The following ZNF316 variants were observed in gnomAD, a reference collection of about 807,000 sequenced individuals.
ZNF316 encodes zinc finger protein 316.
ZNF316 carries 23 observed loss-of-function variants against 75.6 expected under a neutral mutation model. That is an observed-to-expected ratio of 0.30 (90% CI 0.22 to 0.43). The LOEUF (loss-of-function observed/expected upper bound fraction) is 0.43. ZNF316 is among the 20% of genes least tolerant of loss of function. The probability of loss-of-function intolerance (pLI) is 1.00; values close to 1 mark genes in which losing one functional copy is unlikely to be tolerated. For missense variants in ZNF316, 1,266 were observed against 1,409.4 expected (o/e 0.90, Z 1.63); for synonymous variants, 827 against 666.2 (o/e 1.24, Z -3.72).
chr7:6,644,665 T>A (rs775415943), intron 8 of ZNF316, 72 bp downstream of exon 8: 12 of 811,272 alleles, frequency 1.5e-5, no homozygotes, highest in Non-Finnish European at 1.8e-5. Flanking sequence ...TGGCCTTCAC[T>A]GCGCTCTCTG....
At chr7:6,649,955 A>C (rs1364125816) in intron 8 of ZNF316, among the ~76,000 whole-genome samples, 2 of 152,058 alleles carry the variant, frequency 1.3e-5, no homozygotes, top group Non-Finnish European at 2.9e-5. Context: ...GGCAGCTGAG[A>C]CTTCTGTGGG....
chr7:6,642,594 A>G lies in ZNF316; in HGVS notation c.185A>G (p.Glu62Gly). 1.6e-6 allele frequency: 2 copies of G among 1,218,894 alleles called. No homozygotes were observed. The highest frequency in any genetic ancestry group is 1.6e-5 in the African/African-American group (1 of 64,160). The allele number at this position is 1,218,894 out of a possible 1,614,324, so 75.5% of individuals were successfully genotyped here. Reference protein sequence around the residue: ...VVEEEEEGVAEVVQDAQVEAV... With the variant: ...VVEEEEEGVAGVVQDAQVEAV... Reference sequence around the variant, plus strand: ...GAGGAGGAGGAGGAGGGTGTGGCAGAGGTAGTGCAGGATGCGCAGGTGGAG... The same window carrying G: ...GAGGAGGAGGAGGAGGGTGTGGCAGGGGTAGTGCAGGATGCGCAGGTGGAG... The change falls in exon 5 of 9, where the codon GAG becomes GGG. Residue 62 changes from glutamate (E) to glycine (G), a missense_variant. Coordinates refer to ENST00000382252, the MANE Select transcript of ZNF316 (RefSeq NM_001278559.2). The surrounding 1 kb of genome is among the most constrained non-coding windows in gnomAD (Gnocchi z 8.1).
Position 6,654,287 on chromosome 7 carries a change from G to A in ZNF316, c.2691G>A (p.Ser897=), listed in dbSNP as rs1026492348. Residue 897 remains serine, a synonymous_variant, in exon 9 of 9, where the codon TCG becomes TCA. Coordinates refer to ENST00000382252, the MANE Select transcript of ZNF316 (RefSeq NM_001278559.2). ...GCCCTGAGTGCGGCAAGCGCTTTTC[G>A]CAGCGCTCGGTGCTGGTCACGCACC... ...FPCPECGKRF[S]QRSVLVTHQR... is the part of the protein sequence containing the mutation. 1,145 of 1,224,114 alleles carry A rather than the reference G, an allele frequency of 9.4e-4. 25 individuals are homozygous for A. The highest frequency in any genetic ancestry group is 5.7e-4 in the Middle Eastern group (2 of 3,484). 75.8% of individuals were successfully genotyped at this position (1,224,114 alleles called of 1,614,324 possible).
chr7:6,643,609 G>T (rs907163502), intron 6 of ZNF316, among the ~76,000 whole-genome samples: 4 of 152,170 alleles, frequency 2.6e-5, no homozygotes, highest in Middle Eastern at 3.2e-3. Flanking sequence ...CCTACGAGCT[G>T]GGTCGTTCAC....
In ZNF316 at chr7:6,637,565, C is replaced by T. The variant is rs1261608023; in HGVS notation, c.-431+118C>T. The T allele has an allele frequency of 1.4e-5, 2 of 147,416 alleles. No individual in the cohort carries two copies. The highest frequency in any genetic ancestry group is 3.0e-5 in the Non-Finnish European group (2 of 66,082). 9.1% of individuals were successfully genotyped at this position (147,416 alleles called of 1,614,324 possible). A position where few individuals can be genotyped will look rare whatever the true frequency, so the allele number is the denominator to read the frequency against. On this transcript the variant is annotated intron_variant, in intron 1 of 8. Transcript: ENST00000382252. This position sits in a 1 kb window ranked among gnomAD's most constrained non-coding sequence, Gnocchi z 6.2. ...CCGGGCTGGCCCTCGACGCCCGGCG[C>T]GGGGAGGCCGCGGGGAGGCGGCGGG... is the stretch of plus-strand genomic sequence containing the variant.
Position 6,656,986 on chromosome 7 carries a change from A to G in ZNF316, c.*2375A>G, listed in dbSNP as rs567985074. Among the ~76,000 whole-genome samples the G allele has an allele frequency of 6.6e-6, 1 of 152,162 alleles. No individual in the cohort carries two copies. Among genetic ancestry groups the G allele is most frequent in the African/African-American group, 2.4e-5 (1 of 41,434 alleles). ...GAAAAATAAGAACTGCTGTAATCAA[A>G]TGTGATCTGGAGGCATCAGAACAGA... is the stretch of plus-strand genomic sequence containing the variant. On this transcript the variant is annotated 3_prime_UTR_variant, in exon 9 of 9. Transcript: ENST00000382252.
In ZNF316 at chr7:6,640,147, T is replaced by C. The variant is rs1033346062; in HGVS notation, c.-167+1006T>C. 3.3e-5 allele frequency among the ~76,000 whole-genome samples: 5 copies of C among 152,072 alleles called. No homozygotes were observed. Among genetic ancestry groups the C allele is most frequent in the African/African-American group, 1.2e-4 (5 of 41,394 alleles). On this transcript the variant is annotated intron_variant, in intron 3 of 8. Coordinates refer to ENST00000382252, the MANE Select transcript of ZNF316 (RefSeq NM_001278559.2). This position sits in a 1 kb window ranked among gnomAD's most constrained non-coding sequence, Gnocchi z 5.1. ...GCTCAGAGCTTCCTGGCTATTAAAGTGTGGATTTTAAAGCAACTGCTCAAA... is the reference window on the plus strand; with the variant it reads ...GCTCAGAGCTTCCTGGCTATTAAAGCGTGGATTTTAAAGCAACTGCTCAAA...
chr7:6,654,490 G>A lies in ZNF316; in HGVS notation c.2894G>A (p.Ser965Asn), dbSNP rs1402666467. Residue 965 changes from serine to asparagine, a missense_variant, in exon 9 of 9, where the codon AGT becomes AAT. Transcript: ENST00000382252. ...KPEAAAKGPSSAGPGERGSAL... is the reference protein window; with the variant it reads ...KPEAAAKGPSNAGPGERGSAL... ...GAGGCGGCCGCCAAGGGGCCGTCCA[G>A]TGCCGGCCCCGGTGAGCGCGGCAGC... The A allele has an allele frequency of 9.3e-6, 11 of 1,182,598 alleles. No individual in the cohort carries two copies. Among genetic ancestry groups the A allele is most frequent in the Non-Finnish European group, 1.0e-6 (1 of 956,616 alleles). The allele number at this position is 1,182,598 out of a possible 1,614,324, so 73.3% of individuals were successfully genotyped here.
rs1779338714 is a variant in ZNF316, at chr7:6,643,031, GGAGGAT to G, written c.429_434del (p.Glu146_Asp147del). The G allele has an allele frequency of 8.1e-7, 1 of 1,240,542 alleles. No individual in the cohort carries two copies. Among genetic ancestry groups the G allele is most frequent in the Non-Finnish European group, 1.0e-6 (1 of 993,322 alleles). The allele number at this position is 1,240,542 out of a possible 1,614,324, so 76.8% of individuals were successfully genotyped here. On this transcript the variant is annotated inframe_deletion, in exon 6 of 9. Transcript: ENST00000382252. ...ACCTGGAGGAGGAGGAAGAGGAGGA[GGAGGAT>G]GAGGACGAGGATGATTTGCTGACGG... is the stretch of plus-strand genomic sequence containing the variant.
At position 6,654,486 on chromosome 7, in the gene ZNF316, T is replaced by C; in HGVS notation, c.2890T>C (p.Ser964Pro). 1 of 1,184,090 alleles carries C rather than the reference T, an allele frequency of 8.4e-7. No homozygotes were observed. The highest frequency in any genetic ancestry group is 1.0e-6 in the Non-Finnish European group (1 of 957,566). 73.3% of individuals were successfully genotyped at this position (1,184,090 alleles called of 1,614,324 possible). A position where few individuals can be genotyped will look rare whatever the true frequency, so the allele number is the denominator to read the frequency against. The change falls in exon 9 of 9, where the codon TCC becomes CCC. Residue 964 changes from serine to proline, a missense_variant. Transcript: ENST00000382252. ...GCCCGAGGCGGCCGCCAAGGGGCCGTCCAGTGCCGGCCCCGGTGAGCGCGG... is the reference window on the plus strand; with the variant it reads ...GCCCGAGGCGGCCGCCAAGGGGCCGCCCAGTGCCGGCCCCGGTGAGCGCGG... ...PKPEAAAKGP[S>P]SAGPGERGSA...
Position 6,653,048 on chromosome 7 carries a change from G to A in ZNF316, c.1452G>A (p.Pro484=). 1.6e-6 allele frequency: 2 copies of A among 1,217,614 alleles called. No homozygotes were observed. The highest frequency in any genetic ancestry group is 2.0e-6 in the Non-Finnish European group (2 of 979,068). The allele number at this position is 1,217,614 out of a possible 1,614,324, so 75.4% of individuals were successfully genotyped here. A position where few individuals can be genotyped will look rare whatever the true frequency, so the allele number is the denominator to read the frequency against. ...RHQAVHTADR[P]HCCPDCGQAF... is the part of the protein sequence containing the mutation. ...AGGCGGTGCACACGGCCGACCGCCC[G>A]CACTGCTGTCCCGACTGCGGCCAGG... The change falls in exon 9 of 9, where the codon CCG becomes CCA. Residue 484 remains proline (P), a synonymous_variant. Coordinates refer to ENST00000382252, the MANE Select transcript of ZNF316 (RefSeq NM_001278559.2).
intron 8 of ZNF316, among the ~76,000 whole-genome samples, chr7:6,648,874 A>G (rs1779456019): frequency 1.3e-5 from 2 of 152,022 alleles, no homozygotes; most frequent in African/African-American, 2.4e-5. Flanking sequence ...TTCAAAGGGG[A>G]AGCCTCTAAA....
At position 6,654,699 on chromosome 7, in the gene ZNF316, G is replaced by A; in HGVS notation, c.*88G>A. 2.8e-6 allele frequency: 3 copies of A among 1,083,310 alleles called. No individual in the cohort carries two copies. The highest frequency in any genetic ancestry group is 4.9e-5 in the Admixed American group (1 of 20,252). The allele number at this position is 1,083,310 out of a possible 1,614,324, so 67.1% of individuals were successfully genotyped here. A position where few individuals can be genotyped will look rare whatever the true frequency, so the allele number is the denominator to read the frequency against. ...CCCCCCGCTCCTCGGGCCCCGGGAG[G>A]CTGAGGGTCCCAGTCCTGGGTGCGG... On this transcript the variant is annotated 3_prime_UTR_variant, in exon 9 of 9. Transcript: ENST00000382252.
chr7:6,645,601 T>C (rs1482921316), intron 8 of ZNF316, among the ~76,000 whole-genome samples: 1 of 150,816 alleles, frequency 6.6e-6, no homozygotes, highest in Non-Finnish European at 1.5e-5. Flanking sequence ...GGAGAATGGC[T>C]TGAACCCGGG....
In ZNF316 at chr7:6,654,561, C is replaced by T. The variant is rs1226328267; in HGVS notation, c.2965C>T (p.Gln989Ter). 4.2e-6 allele frequency: 5 copies of T among 1,187,650 alleles called. No homozygotes were observed. In the Admixed American group the frequency reaches 1.4e-4, roughly 32 times the overall value. The allele number at this position is 1,187,650 out of a possible 1,614,324, so 73.6% of individuals were successfully genotyped here. A position where few individuals can be genotyped will look rare whatever the true frequency, so the allele number is the denominator to read the frequency against. Residue 989 changes from glutamine to a stop codon, truncating the protein, a stop_gained, in exon 9 of 9, where the codon CAG (glutamine) becomes TAG (stop). Transcript: ENST00000382252. LOFTEE classifies it high-confidence loss of function. ...CGGCACAAGCTTCGGCTCCGAGCAC[C>T]AGGCCGCGTTCGCCGGGCCCTCGGG... ...AGGTSFGSEHQAAFAGPSGAY... is the reference protein window; with the variant it reads ...AGGTSFGSEH
rs1779552057 is a variant in ZNF316, at chr7:6,653,403, C to T, written c.1807C>T (p.His603Tyr). ...CCCGCTGGGCTTCCACTTCCCCGTG[C>T]ACCCCAAGTCCTGGCTGCACCCGGA... is the stretch of plus-strand genomic sequence containing the variant. ...SHPLGFHFPV[H>Y]PKSWLHPDSF... Residue 603 changes from histidine to tyrosine, a missense_variant, in exon 9 of 9, where the codon CAC (histidine) becomes TAC (tyrosine). Physicochemically the swap from His to Tyr is moderately conservative, Grantham distance 83. Coordinates refer to ENST00000382252, the MANE Select transcript of ZNF316 (RefSeq NM_001278559.2). 4.1e-6 allele frequency: 5 copies of T among 1,227,390 alleles called. No homozygotes were observed. The highest frequency in any genetic ancestry group is 3.1e-5 in the African/African-American group (2 of 64,136). 76.0% of individuals were successfully genotyped at this position (1,227,390 alleles called of 1,614,324 possible). A position where few individuals can be genotyped will look rare whatever the true frequency, so the allele number is the denominator to read the frequency against.
In ZNF316 at chr7:6,641,885, T is replaced by G. The variant is rs2060892449; in HGVS notation, c.-106T>G. ...CTCTCCTCCTAGCCCCGTTGTGCCTTGCAAGTGCCTGCATCCTGTCTGTGC... is the reference window on the plus strand; with the variant it reads ...CTCTCCTCCTAGCCCCGTTGTGCCTGGCAAGTGCCTGCATCCTGTCTGTGC... On this transcript the variant is annotated 5_prime_UTR_variant, in exon 4 of 9. Transcript: ENST00000382252. 6.6e-6 allele frequency: 1 copy of G among 152,512 alleles called. No individual in the cohort carries two copies. The highest frequency in any genetic ancestry group is 2.4e-5 in the African/African-American group (1 of 41,476). 9.4% of individuals were successfully genotyped at this position (152,512 alleles called of 1,614,324 possible). A position where few individuals can be genotyped will look rare whatever the true frequency, so the allele number is the denominator to read the frequency against.
At position 6,653,199 on chromosome 7, in the gene ZNF316, C is replaced by A. The variant is rs1018971908; in HGVS notation, c.1603C>A (p.Pro535Thr). Residue 535 changes from proline (P) to threonine (T), a missense_variant, in exon 9 of 9, where the codon CCT becomes ACT. Coordinates refer to ENST00000382252, the MANE Select transcript of ZNF316 (RefSeq NM_001278559.2). The stretch of plus-strand genomic sequence containing the variant: ...CGCCGCGGGGCCCGAGGACACGGAC[C>A]CTGGGCCAGAGGGATCTGAAGTTGG... ...AAAAGPEDTD[P>T]GPEGSEVGEA... 11 of 1,219,518 alleles carry A rather than the reference C, an allele frequency of 9.0e-6. No individual in the cohort carries two copies. The highest frequency in any genetic ancestry group is 4.7e-5 in the African/African-American group (3 of 63,744). 75.5% of individuals were successfully genotyped at this position (1,219,518 alleles called of 1,614,324 possible).
Position 6,654,308 on chromosome 7 carries a change from G to A in ZNF316, c.2712G>A (p.Thr904=), listed in dbSNP as rs1779575092. Residue 904 remains threonine (T), a synonymous_variant, in exon 9 of 9, where the codon ACG becomes ACA. Coordinates refer to ENST00000382252, the MANE Select transcript of ZNF316 (RefSeq NM_001278559.2). ...KRFSQRSVLV[T]HQRTHTGERP... ...TTTCGCAGCGCTCGGTGCTGGTCAC[G>A]CACCAGCGCACACATACGGGCGAGC... is the stretch of plus-strand genomic sequence containing the variant. The A allele has an allele frequency of 3.3e-6, 4 of 1,223,706 alleles. No individual in the cohort carries two copies. Among genetic ancestry groups the A allele is most frequent in the East Asian group, 6.5e-5 (2 of 30,790 alleles). The allele number at this position is 1,223,706 out of a possible 1,614,324, so 75.8% of individuals were successfully genotyped here. A position where few individuals can be genotyped will look rare whatever the true frequency, so the allele number is the denominator to read the frequency against.
Sources: allele counts gnomAD v4.1 joint callset (sites outside exome capture counted in the v4.1 genomes callset), GRCh38; gene constraint gnomAD v4.1.1; non-coding constraint Gnocchi (gnomAD v3.1); transcripts MANE v1.5; gene names NCBI Gene and HGNC (gene_info 2026-07-23, HGNC 2026-07-21).